KAZN: variants seen among roughly 807,000 people sequenced by gnomAD.
KAZN encodes the protein kazrin.
In KAZN, 40 loss-of-function variants were observed where a neutral mutation model predicts 87.4. That is an observed-to-expected ratio of 0.46 (90% CI 0.36 to 0.60). KAZN has a LOEUF of 0.60. Ranked by LOEUF, KAZN falls within the 20% of genes least tolerant of loss-of-function variation. The pLI is 0.00. For missense variants in KAZN, 898 were observed against 1,073.9 expected, an observed-to-expected ratio of 0.84 and a Z score of 2.29; for synonymous variants, 466 against 458.3, an observed-to-expected ratio of 1.02 and a Z score of -0.22.
Position 15,056,044 on chromosome 1 carries a change from T to A in KAZN, c.727-47T>A. The A allele has an allele frequency of 6.4e-7, 1 of 1,551,204 alleles. No homozygotes were observed. The highest frequency in any genetic ancestry group is 1.2e-5 in the South Asian group (1 of 84,340). On this transcript the variant is annotated intron_variant, in intron 4 of 14. Coordinates refer to ENST00000376030, the MANE Select transcript of KAZN (RefSeq NM_201628.3). This position sits in a 1 kb window ranked among gnomAD's most constrained non-coding sequence, Gnocchi z 5.4. The stretch of plus-strand genomic sequence containing the variant: ...GTGGTGCCAAGCAGCTGGCCAAGAG[T>A]TCCCCTTGATCATGACTTCTTCTTC...
intron 13 of KAZN, among the ~76,000 whole-genome samples, chr1:15,109,972 T>C (rs942041076): frequency 1.4e-5 from 2 of 140,986 alleles, no homozygotes; most frequent in African/African-American, 5.1e-5. Context: ...TGTGTGTTTG[T>C]ATGTTTGTAT....
chr1:14,275,344 T>A (rs1227026995), intron 2 of KAZN, among the ~76,000 whole-genome samples: 1 of 152,066 alleles, frequency 6.6e-6, no homozygotes, highest in Non-Finnish European at 1.5e-5. Flanking sequence ...CCAGACCTAT[T>A]GAGTTAGAAA....
intron 1 of KAZN, among the ~76,000 whole-genome samples, chr1:14,841,834 T>C (rs1443546468): frequency 6.6e-6 from 1 of 152,168 alleles, no homozygotes; most frequent in Non-Finnish European, 1.5e-5. Context: ...CCTGATTATC[T>C]ATCTCATTTC....
At chr1:14,247,355 A>G (rs1649608642) in intron 2 of KAZN, among the ~76,000 whole-genome samples, 1 of 152,144 alleles carries the variant, frequency 6.6e-6, no homozygotes, top group Non-Finnish European at 1.5e-5. Context: ...CTATTAAAAA[A>G]CCAAATGCTC....
At chr1:14,571,525 A>T (rs1262852850) in intron 2 of KAZN, among the ~76,000 whole-genome samples, 1 of 152,186 alleles carries the variant, frequency 6.6e-6, no homozygotes, top group African/African-American at 2.4e-5. Context: ...TGAGTTCCCC[A>T]TGTGGGATCA....
At chr1:14,624,756 T>G (rs993497074) in intron 1 of KAZN, among the ~76,000 whole-genome samples, 7 of 152,186 alleles carry the variant, frequency 4.6e-5, no homozygotes, top group Admixed American at 4.6e-4. Flanking sequence ...CTGGTCACTA[T>G]CTGCAAAGAG....
chr1:14,220,208 G>A (rs191548062), intron 2 of KAZN, among the ~76,000 whole-genome samples: 1 of 152,082 alleles, frequency 6.6e-6, no homozygotes, highest in Non-Finnish European at 1.5e-5. Flanking sequence ...ACTCTTGCCT[G>A]TAGGAGCTCC....
At chr1:14,909,874 G>A (rs1313861270) in intron 1 of KAZN, among the ~76,000 whole-genome samples, 5 of 152,082 alleles carry the variant, frequency 3.3e-5, no homozygotes, top group African/African-American at 9.7e-5. Context: ...GCAACATGGC[G>A]AAACCCCATC....
chr1:14,602,184 T>C (rs1314453514), intron 1 of KAZN, among the ~76,000 whole-genome samples: 1 of 152,182 alleles, frequency 6.6e-6, no homozygotes, highest in East Asian at 1.9e-4. Flanking sequence ...TTAACTTGGT[T>C]GGTACTCCCT....
chr1:14,392,672 G>C (rs1406848458), intron 2 of KAZN, among the ~76,000 whole-genome samples: 1 of 152,096 alleles, frequency 6.6e-6, no homozygotes, highest in African/African-American at 2.4e-5. Context: ...CCCACTAGAT[G>C]CCAGTAGCAC....
rs1290445934 is a variant in KAZN, at chr1:14,306,437, A to G, written c.249+125845A>G. On this transcript the variant is annotated intron_variant, in intron 2 of 16. Transcript: ENST00000636203. ...CTCTCCAACAGGCCACTTAGAAACT[A>G]TGGAGAGGGATGATTCAGTAGAAAG... Among the ~76,000 whole-genome samples, 3 of 152,114 alleles carry G rather than the reference A, an allele frequency of 2.0e-5. No individual in the cohort carries two copies. The East Asian group carries it at 5.8e-4, about 29-fold the overall frequency.
At chr1:14,309,613 T>C (rs925203299) in intron 2 of KAZN, among the ~76,000 whole-genome samples, 2 of 152,116 alleles carry the variant, frequency 1.3e-5, no homozygotes, top group African/African-American at 4.8e-5. Flanking sequence ...CCAGGTGGAG[T>C]GCAGTGGTGT....
At chr1:14,068,307 C>A (rs1031110610) in intron 1 of KAZN, among the ~76,000 whole-genome samples, 1 of 152,204 alleles carries the variant, frequency 6.6e-6, no homozygotes, top group Non-Finnish European at 1.5e-5. Flanking sequence ...TCTTCATGTA[C>A]AAGCAAGTTT....
At chr1:14,541,593 G>A (rs563023050) in intron 2 of KAZN, among the ~76,000 whole-genome samples, 6 of 152,148 alleles carry the variant, frequency 3.9e-5, no homozygotes, top group East Asian at 1.9e-4. Flanking sequence ...CTGGCCAAGC[G>A]TTAGGAGAAT....
intron 1 of KAZN, among the ~76,000 whole-genome samples, chr1:14,043,002 T>C (rs1248056243): frequency 2.0e-5 from 3 of 152,222 alleles, no homozygotes; most frequent in South Asian, 4.1e-4. Context: ...CACATTTACA[T>C]TGTTGTGCAA....
At chr1:14,258,997 G>A (rs958859883) in intron 2 of KAZN, among the ~76,000 whole-genome samples, 3 of 152,176 alleles carry the variant, frequency 2.0e-5, no homozygotes, top group Non-Finnish European at 2.9e-5. Flanking sequence ...AGGTAATCAC[G>A]GGGCTGGGCG....
chr1:14,489,452 G>A (rs1379256320), intron 2 of KAZN, among the ~76,000 whole-genome samples: 1 of 152,090 alleles, frequency 6.6e-6, no homozygotes, highest in Non-Finnish European at 1.5e-5. Context: ...GTTTTGGGCT[G>A]GGCACAGCGG....
At chr1:13,961,672 A>G (rs146828808) in intron 1 of KAZN, among the ~76,000 whole-genome samples, 3 of 152,238 alleles carry the variant, frequency 2.0e-5, no homozygotes, top group African/African-American at 7.2e-5. Flanking sequence ...TGAAGTAACA[A>G]TTTTCTACTA....
chr1:14,677,873 T>A (rs1384457833), intron 1 of KAZN, among the ~76,000 whole-genome samples: 1 of 151,944 alleles, frequency 6.6e-6, no homozygotes, highest in Non-Finnish European at 1.5e-5. Flanking sequence ...TCAGGGGAGG[T>A]CCCAGAACCT....
Sources: gnomAD v4.1 joint callset for allele counts (sites outside exome capture counted in the v4.1 genomes callset) on GRCh38, gnomAD v4.1.1 for gene constraint, Gnocchi (gnomAD v3.1) non-coding constraint, MANE v1.5 for transcripts, NCBI Gene and HGNC (gene_info 2026-07-23, HGNC 2026-07-21) for gene names.